The following GYPB variants were observed in gnomAD, a reference collection of about 807,000 sequenced individuals.
GYPB encodes glycophorin-B.
In GYPB, 13 loss-of-function variants were observed where a neutral mutation model predicts 15.3. That is an observed-to-expected ratio of 0.85 (90% CI 0.55 to 1.35). The LOEUF is 1.35. Among genes scored for constraint, GYPB ranks in the 40% most tolerant of loss-of-function variants. GYPB has a pLI of 0.00. For missense variants in GYPB, 131 were observed against 108.3 expected, an observed-to-expected ratio of 1.21 and a Z score of -0.93; for synonymous variants, 38 against 36.9, an observed-to-expected ratio of 1.03 and a Z score of -0.11.
rs369961385 is a variant in GYPB at position 143,997,605 on chromosome 4, A to C, written c.205T>G (p.Cys69Gly). The change falls in exon 4 of 5, where the codon TGT becomes GGT. Residue 69 changes from cysteine to glycine, a missense_variant. Cys to Gly is a radical substitution (Grantham distance 159). Coordinates refer to ENST00000502664, the MANE Select transcript of GYPB (RefSeq NM_002100.6). ...APVVIILIIL[C>G]VMAGIIGTIL... ...GTTCCAATAATACCAGCCATCACAC[A>C]CAAAATAATGAGTATTATCACTACA... 1.9e-6 allele frequency: 3 copies of C among 1,592,740 alleles called. No homozygotes were observed. Among genetic ancestry groups the C allele is most frequent in the African/African-American group, 2.7e-5 (2 of 72,770 alleles).
At chr4:144,013,928 T>A (rs1384514078) in intron 1 of GYPB, among the ~76,000 whole-genome samples, 2 of 145,044 alleles carry the variant, frequency 1.4e-5, no homozygotes, top group Admixed American at 6.7e-5. Context: ...AAAAAAAAAA[T>A]AATGGGTGAA....
chr4:143,999,029 G>T (rs576526119), intron 3 of GYPB, among the ~76,000 whole-genome samples: 2 of 151,130 alleles, frequency 1.3e-5, no homozygotes, highest in African/African-American at 4.9e-5. Context: ...ACCTCAGCCA[G>T]CCTCCCAAGC....
At chr4:144,002,202 A>G (rs1274088101) in intron 1 of GYPB, among the ~76,000 whole-genome samples, 1 of 151,418 alleles carries the variant, frequency 6.6e-6, no homozygotes, top group Non-Finnish European at 1.5e-5. Flanking sequence ...ACTACAAGAA[A>G]GCACAAAGTA....
chr4:144,004,353 T>C (rs1487392697), intron 1 of GYPB, among the ~76,000 whole-genome samples: 1 of 151,964 alleles, frequency 6.6e-6, no homozygotes, highest in African/African-American at 2.4e-5. Flanking sequence ...GCATAAGCCT[T>C]TCAGTAGGAA....
chr4:144,000,887 G>A (rs113122141), intron 2 of GYPB, among the ~76,000 whole-genome samples: 7 of 151,074 alleles, frequency 4.6e-5, no homozygotes, highest in African/African-American at 1.5e-4. Flanking sequence ...CAGACCCTCC[G>A]CACCACCGCA....
At chr4:144,005,025 T>G (rs1212579707) in intron 1 of GYPB, among the ~76,000 whole-genome samples, 1 of 152,066 alleles carries the variant, frequency 6.6e-6, no homozygotes, top group African/African-American at 2.4e-5. Context: ...TTTTTATCTC[T>G]TTGCCTTTGG....
rs1421654998 is a variant in GYPB, at chr4:144,009,201, C to T, written c.38-7918G>A. ...ACAGAGTTGAACTGCTTGGTGGAAG[C>T]TGGCCTGAGTGTTTGGCCTGCAGCC... is the stretch of plus-strand genomic sequence containing the variant. On this transcript the variant is annotated intron_variant, in intron 1 of 4. Coordinates refer to ENST00000502664, the MANE Select transcript of GYPB (RefSeq NM_002100.6). Among the ~76,000 whole-genome samples the T allele has an allele frequency of 3.3e-5, 5 of 151,456 alleles. 2 individuals carry two copies. Among genetic ancestry groups the T allele is most frequent in the African/African-American group, 1.2e-4 (5 of 40,742 alleles).
intron 1 of GYPB, among the ~76,000 whole-genome samples, chr4:144,015,853 C>T (rs910804028): frequency 5.3e-5 from 8 of 150,934 alleles, no homozygotes; most frequent in African/African-American, 1.7e-4. Context: ...ACCATCTACT[C>T]GGTGCTTGAT....
chr4:144,016,972 A>ATTCACCTTTAT (rs1560717551), intron 1 of GYPB: 1 of 370,782 alleles, frequency 2.7e-6, no homozygotes, highest in Non-Finnish European at 5.2e-6. Context: ...ATTCATGTTT[A>ATTCACCTTTAT]TCATCTTACC....
chr4:144,008,141 C>T (rs1354062386), intron 1 of GYPB, among the ~76,000 whole-genome samples: 1 of 151,572 alleles, frequency 6.6e-6, no homozygotes, highest in Non-Finnish European at 1.5e-5. Flanking sequence ...ACATCAGAAA[C>T]ATTGCCTGAC....
At chr4:144,016,924 A>G in intron 1 of GYPB, 1 of 347,840 alleles carries the variant, frequency 2.9e-6, no homozygotes, top group Non-Finnish European at 5.7e-6. Flanking sequence ...TACTCAGAAA[A>G]TAACTCCCTG....
chr4:144,012,545 G>T (rs1728269440), intron 1 of GYPB: 1 of 151,394 alleles, frequency 6.6e-6, no homozygotes, highest in South Asian at 2.1e-4. Flanking sequence ...ACACAGTTTG[G>T]TGAATCATAC....
chr4:144,018,166 T>C (rs977525974), intron 1 of GYPB, among the ~76,000 whole-genome samples: 3 of 151,492 alleles, frequency 2.0e-5, no homozygotes, highest in Non-Finnish European at 4.4e-5. Context: ...GTTTAATCTT[T>C]ATGCAATTAT....
chr4:143,997,617 G>T lies in GYPB; in HGVS notation c.193C>A (p.Leu65Ile), dbSNP rs761098639. 6.3e-7 allele frequency: 1 copy of T among 1,576,728 alleles called. No homozygotes were observed. The highest frequency in any genetic ancestry group is 8.7e-7 in the Non-Finnish European group (1 of 1,148,594). Residue 65 changes from leucine to isoleucine, a missense_variant, in exon 4 of 5, where the codon CTC becomes ATC. Physicochemically the swap from Leu to Ile is conservative, Grantham distance 5. Transcript: ENST00000502664. ...CCAGCCATCACACACAAAATAATGA[G>T]TATTATCACTACAGGAGCTAAAGAG... Reference protein sequence around the residue: ...FTVPAPVVIILIILCVMAGII... With the variant: ...FTVPAPVVIIIIILCVMAGII...
chr4:144,004,465 C>A (rs1727787953), intron 1 of GYPB, among the ~76,000 whole-genome samples: 1 of 151,868 alleles, frequency 6.6e-6, no homozygotes, highest in African/African-American at 2.4e-5. Flanking sequence ...ACAATAGTTC[C>A]CATAAAAATG....
chr4:143,996,344 C>T (rs1264170163), intron 4 of GYPB, 40 bp from the exon 5 acceptor site: 1 of 1,550,134 alleles, frequency 6.5e-7, no homozygotes, highest in Non-Finnish European at 8.7e-7. Context: ...TCAGCCTCTG[C>T]TTGACCATGA....
intron 1 of GYPB, among the ~76,000 whole-genome samples, chr4:144,018,704 G>A (rs1201821960): frequency 2.7e-5 from 4 of 150,598 alleles, no homozygotes; most frequent in Non-Finnish European, 4.4e-5. Context: ...AAATTCACAC[G>A]ACACCTAAGC....
chr4:144,005,468 T>C (rs1727863780), intron 1 of GYPB, among the ~76,000 whole-genome samples: 1 of 151,956 alleles, frequency 6.6e-6, no homozygotes, highest in Admixed American at 6.5e-5. Flanking sequence ...CCATGTGGTC[T>C]TCATTTTGAT....
At chr4:144,015,864 T>C (rs776308423) in intron 1 of GYPB, among the ~76,000 whole-genome samples, 12 of 151,076 alleles carry the variant, frequency 7.9e-5, no homozygotes, top group Non-Finnish European at 1.6e-4. Context: ...GGTGCTTGAT[T>C]GAATAGACAC....
Sources: gnomAD v4.1 joint callset for allele counts (sites outside exome capture counted in the v4.1 genomes callset) on GRCh38, gnomAD v4.1.1 for gene constraint, MANE v1.5 for transcripts, NCBI Gene and HGNC (gene_info 2026-07-23, HGNC 2026-07-21) for gene names.